TBCD: variants seen among roughly 807,000 people sequenced by gnomAD.
TBCD encodes tubulin folding cofactor D, also known as tubulin-specific chaperone D.
A neutral mutation model predicts 169.3 loss-of-function variants in TBCD; 105 were observed. That is an observed-to-expected ratio of 0.62 (90% CI 0.53 to 0.73). TBCD has a LOEUF of 0.73. TBCD is among the 30% of genes least tolerant of loss of function. TBCD has a pLI of 0.00. For synonymous variants in TBCD, 700 were observed against 643.9 expected (o/e 1.09, Z -1.32); for missense variants, 1,444 against 1,600.1 (o/e 0.90, Z 1.66).
intron 6 of TBCD, among the ~76,000 whole-genome samples, chr17:82,779,886 G>A (rs1041720948): frequency 3.9e-5 from 6 of 152,166 alleles, no homozygotes; most frequent in Admixed American, 1.3e-4. Context: ...ACTCCCCCAC[G>A]TGGACTCTTC....
At chr17:82,761,549 C>T (rs1172760195) in intron 2 of TBCD, among the ~76,000 whole-genome samples, 1 of 152,096 alleles carries the variant, frequency 6.6e-6, no homozygotes, top group Non-Finnish European at 1.5e-5. Flanking sequence ...CCTAGGGAAC[C>T]ACTGTTGGTT....
At chr17:82,785,880 C>T (rs1004273018) in intron 7 of TBCD, among the ~76,000 whole-genome samples, 4 of 151,346 alleles carry the variant, frequency 2.6e-5, no homozygotes, top group Admixed American at 2.0e-4. Flanking sequence ...GTGACTGGGA[C>T]CACTGGACCC....
intron 23 of TBCD, chr17:82,918,262 T>A (rs1014175109): frequency 2.6e-5 from 4 of 152,074 alleles, no homozygotes; most frequent in Non-Finnish European, 5.9e-5. Flanking sequence ...ATGCCCTGTG[T>A]AGATTTCTGT....
At chr17:82,792,225 T>G (rs2049785611) in intron 7 of TBCD, among the ~76,000 whole-genome samples, 1 of 151,196 alleles carries the variant, frequency 6.6e-6, no homozygotes, top group Admixed American at 6.6e-5. Context: ...GGAGAATCGC[T>G]CGAACCCAGG....
At chr17:82,774,295 A>T (rs565418698) in intron 6 of TBCD, among the ~76,000 whole-genome samples, 19 of 152,280 alleles carry the variant, frequency 1.2e-4, no homozygotes, top group Non-Finnish European at 2.4e-4. Flanking sequence ...AACAAAGCAC[A>T]TCTTGCACCG....
chr17:82,830,995 G>A, intron 13 of TBCD: 2 of 1,613,896 alleles, frequency 1.2e-6, no homozygotes, highest in Non-Finnish European at 1.7e-6. Flanking sequence ...TCCCTTGGAG[G>A]TTTTGAAAAT....
intron 22 of TBCD, 140 bp from the exon 23 acceptor site, chr17:82,911,618 G>C: frequency 1.3e-6 from 1 of 778,434 alleles, no homozygotes; most frequent in Non-Finnish European, 2.1e-6. Flanking sequence ...TTCATAAAAG[G>C]TTGCTCATGC....
At chr17:82,794,923 G>C (rs55965045) in intron 7 of TBCD, among the ~76,000 whole-genome samples, 2,819 of 152,298 alleles carry the variant, frequency 0.019, 79 homozygotes, top group African/African-American at 0.064. Flanking sequence ...TAAATGTGTG[G>C]GGTTCTGGTT....
intron 12 of TBCD, among the ~76,000 whole-genome samples, chr17:82,810,109 C>G (rs1484567359): frequency 6.6e-6 from 1 of 152,144 alleles, no homozygotes; most frequent in Non-Finnish European, 1.5e-5. Context: ...GGGTCTACCC[C>G]TCGCCTACCC....
intron 13 of TBCD, chr17:82,830,545 G>C (rs1338701835): frequency 6.2e-7 from 1 of 1,614,168 alleles, no homozygotes; most frequent in Non-Finnish European, 8.5e-7. Context: ...CCCATCCTCA[G>C]AACCTTCTGT....
At chr17:82,938,736 A>G (rs60233158) in intron 36 of TBCD, among the ~76,000 whole-genome samples, 110,051 of 151,508 alleles carry the variant, frequency 0.73, 40,481 homozygotes, top group South Asian at 0.84. Flanking sequence ...GGCACCACTC[A>G]AAAAGAGAGC....
chr17:82,814,660 C>T lies in TBCD; in HGVS notation c.1224-180C>T, dbSNP rs558882947. ...CCTCTTGAGTAGCTGGGATTATAGG[C>T]GTGAGCCGCTGTGCCCAGCCTTGAT... On this transcript the variant is annotated intron_variant, in intron 12 of 38. Coordinates refer to ENST00000355528, the MANE Select transcript of TBCD (RefSeq NM_005993.5). Among the ~76,000 whole-genome samples the T allele has an allele frequency of 8.3e-4, 126 of 152,344 alleles. 1 individual carries two copies. The South Asian group carries it at 0.021, about 25-fold the overall frequency.
chr17:82,830,283 C>T (rs768325752), intron 13 of TBCD: 2 of 1,614,252 alleles, frequency 1.2e-6, no homozygotes, highest in East Asian at 2.2e-5. Flanking sequence ...CACACTGGGC[C>T]TCTTGGCTCT....
At chr17:82,816,700 A>T (rs1567828277) in intron 13 of TBCD, among the ~76,000 whole-genome samples, 1 of 148,668 alleles carries the variant, frequency 6.7e-6, no homozygotes, top group East Asian at 2.0e-4. Context: ...TGCCACATTA[A>T]TTTTTTTTTT....
chr17:82,887,089 A>G (rs921060316), intron 15 of TBCD, among the ~76,000 whole-genome samples: 22 of 149,560 alleles, frequency 1.5e-4, no homozygotes, highest in African/African-American at 5.2e-4. Flanking sequence ...CATTGAGCCA[A>G]CCCACCAGTC....
At chr17:82,926,559 G>T in intron 28 of TBCD, 68 bp downstream of exon 28, 2 of 1,379,526 alleles carry the variant, frequency 1.4e-6, no homozygotes, top group South Asian at 2.4e-5. Flanking sequence ...CGCTAAGGGG[G>T]ATGTTTTTGC....
rs1378112431 is a variant in TBCD, at chr17:82,944,140, T to G, written c.*1677T>G. ...AGAAGATTCCAGATAAATGGCATTT[T>G]AAGACATGGAGGCAGGTCGATTACC... On this transcript the variant is annotated 3_prime_UTR_variant, in exon 39 of 39. Transcript: ENST00000355528. 1 of 152,262 alleles carries G rather than the reference T, an allele frequency of 6.6e-6. No homozygotes were observed. The highest frequency in any genetic ancestry group is 1.5e-5 in the Non-Finnish European group (1 of 68,062). The allele number at this position is 152,262 out of a possible 1,614,324, so 9.4% of individuals were successfully genotyped here. A position where few individuals can be genotyped will look rare whatever the true frequency, so the allele number is the denominator to read the frequency against.
At chr17:82,881,067 C>T (rs564003203) in intron 14 of TBCD, among the ~76,000 whole-genome samples, 3 of 152,306 alleles carry the variant, frequency 2.0e-5, no homozygotes, top group South Asian at 4.1e-4. Flanking sequence ...CCCTATTCCC[C>T]TTGGGCTCCA....
chr17:82,899,953 G>T (rs2059776400), intron 17 of TBCD, among the ~76,000 whole-genome samples: 2 of 152,078 alleles, frequency 1.3e-5, no homozygotes, highest in Admixed American at 1.3e-4. Flanking sequence ...TCAATTTTTT[G>T]TTTGGGGTTT....
Sources: allele counts gnomAD v4.1 joint callset (sites outside exome capture counted in the v4.1 genomes callset), GRCh38; gene constraint gnomAD v4.1.1; transcripts MANE v1.5; gene names NCBI Gene and HGNC (gene_info 2026-07-23, HGNC 2026-07-21).